The following MICOS10 variants were observed in gnomAD, a reference collection of about 807,000 sequenced individuals.
MICOS10 encodes the protein mitochondrial contact site and cristae organizing system subunit 10.
A neutral mutation model predicts 13.4 loss-of-function variants in MICOS10; 5 were observed. That is an observed-to-expected ratio of 0.37 (90% CI 0.20 to 0.78). The LOEUF (loss-of-function observed/expected upper bound fraction) is 0.78. Ranked by LOEUF, MICOS10 falls within the 30% of genes least tolerant of loss-of-function variation. The pLI, the probability that MICOS10 is intolerant of heterozygous loss-of-function variation, is 0.47. For synonymous variants in MICOS10, 35 were observed against 33.6 expected (o/e 1.04, Z -0.15); for missense variants, 101 against 94.6 (o/e 1.07, Z -0.28).
In MICOS10 at chr1:19,629,198, G is replaced by A. The variant is rs780558314; in HGVS notation, c.*2797G>A. On this transcript the variant is annotated 3_prime_UTR_variant, in exon 4 of 4. Transcript: ENST00000322753. ...TCATTAGAAATTCAAGTCCTCTGGG[G>A]CCCTGTTCCCTTGTGGGCTTGTGCA... is the stretch of plus-strand genomic sequence containing the variant. 1.3e-5 allele frequency: 2 copies of A among 152,168 alleles called. No individual in the cohort carries two copies. The highest frequency in any genetic ancestry group is 2.9e-5 in the Non-Finnish European group (2 of 68,038). 9.4% of individuals were successfully genotyped at this position (152,168 alleles called of 1,614,324 possible). A position where few individuals can be genotyped will look rare whatever the true frequency, so the allele number is the denominator to read the frequency against.
Position 19,620,451 on chromosome 1 carries a change from C to A in MICOS10, c.65-1649C>A, listed in dbSNP as rs564214398. ...TAAGTAAAACATTGCAATTAAAAAT[C>A]GTTTTCTGAATTATTTTTTTTCCAA... On this transcript the variant is annotated intron_variant, in intron 1 of 3. Transcript: ENST00000322753. 8.5e-5 allele frequency among the ~76,000 whole-genome samples: 13 copies of A among 152,248 alleles called. No individual in the cohort carries two copies. In the East Asian group the frequency reaches 1.2e-3, roughly 14 times the overall value.
In MICOS10 at chr1:19,625,609, AAGG is replaced by A. The variant is rs1225748445; in HGVS notation, c.223-775_223-773del. 2.3e-6 allele frequency: 3 copies of A among 1,289,232 alleles called. No individual in the cohort carries two copies. The African/African-American group carries it at 4.6e-5, about 20-fold the overall frequency. The allele number at this position is 1,289,232 out of a possible 1,614,324, so 79.9% of individuals were successfully genotyped here. ...CAGAGCTGATTGTGGGGAGAACCGA[AAGG>A]AGCAGACAGAGAAGCTTCAGGTCTT... is the stretch of plus-strand genomic sequence containing the variant. On this transcript the variant is annotated intron_variant, in intron 3 of 3. Transcript: ENST00000322753.
intron 1 of MICOS10, chr1:19,608,150 C>CAGGT: frequency 8.2e-7 from 1 of 1,214,146 alleles, no homozygotes; most frequent in Non-Finnish European, 1.2e-6. Flanking sequence ...GAAGGAAGAA[C>CAGGT]AGGTCATCAA....
intron 1 of MICOS10, among the ~76,000 whole-genome samples, chr1:19,610,486 T>C (rs1335726437): frequency 2.0e-5 from 3 of 146,812 alleles, no homozygotes; most frequent in Non-Finnish European, 4.5e-5. Flanking sequence ...TCAAGCGATC[T>C]TGCTGCCTCA....
chr1:19,605,026 T>C (rs1348731489), intron 1 of MICOS10, among the ~76,000 whole-genome samples: 1 of 152,196 alleles, frequency 6.6e-6, no homozygotes, highest in African/African-American at 2.4e-5. Context: ...TTATCTCATA[T>C]CCTTGTAAGA....
chr1:19,612,437 C>T (rs2094867110), intron 1 of MICOS10, among the ~76,000 whole-genome samples: 1 of 151,580 alleles, frequency 6.6e-6, no homozygotes. Context: ...TTAAGAAAGA[C>T]TCTAGCCAGG....
chr1:19,616,105 TG>T (rs1165987102), intron 1 of MICOS10, among the ~76,000 whole-genome samples: 3 of 151,978 alleles, frequency 2.0e-5, no homozygotes, highest in Admixed American at 2.0e-4. Context: ...TTAGTGGAGA[TG>T]GGGTTCACCA....
intron 1 of MICOS10, among the ~76,000 whole-genome samples, chr1:19,613,726 A>G (rs2100293968): frequency 6.6e-6 from 1 of 152,290 alleles, no homozygotes; most frequent in Admixed American, 6.5e-5. Context: ...GGCCAGAAAG[A>G]AGTTTGGAAG....
chr1:19,605,296 A>T (rs2094830667), intron 1 of MICOS10, among the ~76,000 whole-genome samples: 1 of 152,096 alleles, frequency 6.6e-6, no homozygotes, highest in Non-Finnish European at 1.5e-5. Context: ...ACATTTTCCT[A>T]TTTAAAGTGT....
intron 1 of MICOS10, among the ~76,000 whole-genome samples, chr1:19,602,603 G>C (rs1173868139): frequency 6.6e-6 from 1 of 152,168 alleles, no homozygotes; most frequent in East Asian, 1.9e-4. Flanking sequence ...TTTATGAATG[G>C]CATGTTCCGT....
intron 1 of MICOS10, among the ~76,000 whole-genome samples, chr1:19,609,540 A>AT (rs1382811020): frequency 2.0e-5 from 3 of 152,270 alleles, no homozygotes; most frequent in African/African-American, 7.2e-5. Context: ...ATGCGTGTTC[A>AT]TAGCAGCTTT....
At chr1:19,618,137 C>T (rs767380774) in intron 1 of MICOS10, among the ~76,000 whole-genome samples, 8 of 138,148 alleles carry the variant, frequency 5.8e-5, no homozygotes, top group Non-Finnish European at 1.2e-4. Flanking sequence ...GGCAAGGTCT[C>T]ACTCTGTTGT....
intron 1 of MICOS10, among the ~76,000 whole-genome samples, chr1:19,599,743 G>C (rs1022362843): frequency 6.6e-6 from 1 of 152,180 alleles, no homozygotes; most frequent in African/African-American, 2.4e-5. Context: ...AGAAGTGGAG[G>C]AGCTGGGATT....
At chr1:19,619,213 CAT>C (rs2094895087) in intron 1 of MICOS10, among the ~76,000 whole-genome samples, 1 of 152,188 alleles carries the variant, frequency 6.6e-6, no homozygotes, top group Non-Finnish European at 1.5e-5. Flanking sequence ...CGTACAGGAG[CAT>C]ATATGACTAC....
intron 1 of MICOS10, among the ~76,000 whole-genome samples, chr1:19,615,983 A>G (rs2094882877): frequency 6.6e-6 from 1 of 151,346 alleles, no homozygotes; most frequent in Non-Finnish European, 1.5e-5. Flanking sequence ...AGTTGGCGTG[A>G]TCTTCGTTTA....
At chr1:19,618,422 A>G (rs910836141) in intron 1 of MICOS10, among the ~76,000 whole-genome samples, 1 of 152,168 alleles carries the variant, frequency 6.6e-6, no homozygotes, top group Non-Finnish European at 1.5e-5. Context: ...GATTACAGGC[A>G]TGAGCTGCTG....
intron 1 of MICOS10, among the ~76,000 whole-genome samples, chr1:19,607,615 G>T (rs563441186): frequency 6.6e-6 from 1 of 152,234 alleles, no homozygotes; most frequent in Non-Finnish European, 1.5e-5. Flanking sequence ...ATCATATTTG[G>T]TACACTATTA....
chr1:19,613,114 G>A (rs145897229), intron 1 of MICOS10, among the ~76,000 whole-genome samples: 20 of 152,230 alleles, frequency 1.3e-4, no homozygotes, highest in African/African-American at 4.6e-4. Flanking sequence ...TGGAGGGAGG[G>A]CTGTTGAGAG....
chr1:19,621,766 G>A (rs1343890141), intron 1 of MICOS10, among the ~76,000 whole-genome samples: 1 of 152,156 alleles, frequency 6.6e-6, no homozygotes, highest in East Asian at 1.9e-4. Context: ...CCCTCTTTGA[G>A]GTGGGTAGGA....
Sources: allele counts gnomAD v4.1 joint callset (sites outside exome capture counted in the v4.1 genomes callset), GRCh38; gene constraint gnomAD v4.1.1; transcripts MANE v1.5; gene names NCBI Gene and HGNC (gene_info 2026-07-23, HGNC 2026-07-21).